GLIS3: variants seen among roughly 807,000 people sequenced by gnomAD.
The protein encoded by GLIS3 is zinc finger protein GLIS3.
Under a neutral mutation model 78.6 loss-of-function variants are expected in GLIS3, and 53 were observed. The observed-to-expected ratio is 0.67, with a 90% CI of 0.54 to 0.85. GLIS3 has a LOEUF of 0.85. Among genes scored for constraint, GLIS3 ranks in the 40% least tolerant of loss-of-function variants. The pLI is 0.00. For synonymous variants in GLIS3, 684 were observed against 509.9 expected, an observed-to-expected ratio of 1.34 and a Z score of -4.60; for missense variants, 1,703 against 1,231.1, an observed-to-expected ratio of 1.38 and a Z score of -5.74.
Position 3,898,686 on chromosome 9 carries a change from T to C in GLIS3, c.2128+5A>G, listed in dbSNP as rs759637587. 59 of 1,613,994 alleles carry C rather than the reference T, an allele frequency of 3.7e-5. No homozygotes were observed. Among genetic ancestry groups the C allele is most frequent in the Non-Finnish European group, 3.8e-5 (45 of 1,180,022 alleles). On this transcript the variant is annotated splice_donor_5th_base_variant and intron_variant, in intron 7 of 10. Coordinates refer to ENST00000381971, the MANE Select transcript of GLIS3 (RefSeq NM_001042413.2). ...TGTGGTTGGCTCTGCCTTTGCTGTC[T>C]TTACCTGAATAGAGGTCAGGCCCGG...
chr9:4,365,765 T>G, the GLIS3 span, among the ~76,000 whole-genome samples: 1 of 152,168 alleles, frequency 6.6e-6, no homozygotes, highest in Admixed American at 6.5e-5. Context: ...AAGTATTTCT[T>G]TTACATAATA....
At chr9:4,240,529 G>A (rs1421189882) in intron 2 of GLIS3, among the ~76,000 whole-genome samples, 1 of 152,090 alleles carries the variant, frequency 6.6e-6, no homozygotes, top group Non-Finnish European at 1.5e-5. Context: ...AAAAAAACTA[G>A]TAAAAATTAT....
At chr9:4,423,391 C>G in the GLIS3 span, among the ~76,000 whole-genome samples, 1 of 152,114 alleles carries the variant, frequency 6.6e-6, no homozygotes. Flanking sequence ...TTCTACTCAA[C>G]CCATCTTTTC....
At chr9:4,141,851 G>C (rs1267364895) in intron 2 of GLIS3, among the ~76,000 whole-genome samples, 1 of 152,166 alleles carries the variant, frequency 6.6e-6, no homozygotes, top group Admixed American at 6.5e-5. Context: ...CAGGCAATCT[G>C]GCTGAGGCCT....
intron 2 of GLIS3, among the ~76,000 whole-genome samples, chr9:4,227,050 G>A (rs12005621): frequency 6.7e-4 from 102 of 152,294 alleles, no homozygotes; most frequent in African/African-American, 2.4e-3. Context: ...GGGGAAGCCT[G>A]GTGCAGGGAG....
the GLIS3 span, among the ~76,000 whole-genome samples, chr9:4,392,556 C>G: frequency 1.3e-5 from 2 of 152,154 alleles, no homozygotes; most frequent in East Asian, 1.9e-4. Flanking sequence ...ACTATGGCCC[C>G]AAACCTTAGA....
At chr9:4,389,757 G>A in the GLIS3 span, among the ~76,000 whole-genome samples, 1 of 152,162 alleles carries the variant, frequency 6.6e-6, no homozygotes, top group Non-Finnish European at 1.5e-5. Context: ...GTGCCCAAGT[G>A]CAGTGAATAA....
At position 4,324,764 on chromosome 9, in the gene GLIS3, A is replaced by G. The variant is rs530416784; in HGVS notation, n.265-14236T>C. Among the ~76,000 whole-genome samples, 3 of 152,252 alleles carry G rather than the reference A, an allele frequency of 2.0e-5. No homozygotes were observed. The East Asian group carries it at 5.8e-4, about 29-fold the overall frequency. On this transcript the variant is annotated intron_variant and non_coding_transcript_variant, in intron 2 of 4. Transcript: ENST00000471664. ...TAAATCACTTGATTTGCTTTGTACCATTTTCTGTAAGTCATTTCATTTGTT... is the reference window on the plus strand; with the variant it reads ...TAAATCACTTGATTTGCTTTGTACCGTTTTCTGTAAGTCATTTCATTTGTT...
At chr9:4,197,884 C>T (rs1292162637) in intron 2 of GLIS3, among the ~76,000 whole-genome samples, 3 of 151,764 alleles carry the variant, frequency 2.0e-5, no homozygotes, top group African/African-American at 7.3e-5. Flanking sequence ...AAAGACCATA[C>T]CCAGCATTCT....
chr9:4,453,577 C>T, the GLIS3 span, among the ~76,000 whole-genome samples: 54 of 152,094 alleles, frequency 3.6e-4, 1 homozygote, highest in East Asian at 9.1e-3. Flanking sequence ...CATGAAAAAA[C>T]GCTCATCATT....
At chr9:4,374,708 T>C in the GLIS3 span, among the ~76,000 whole-genome samples, 1 of 152,220 alleles carries the variant, frequency 6.6e-6, no homozygotes, top group South Asian at 2.1e-4. Context: ...ATCTTCTAGA[T>C]GAATGATCAC....
intron 7 of GLIS3, among the ~76,000 whole-genome samples, chr9:3,896,749 G>GAGC (rs1822872975): frequency 6.8e-6 from 1 of 147,450 alleles, no homozygotes; most frequent in Non-Finnish European, 1.5e-5. Context: ...GAACAAAGTT[G>GAGC]AGCAACATGA....
At chr9:4,014,334 C>A (rs1822270573) in intron 4 of GLIS3, among the ~76,000 whole-genome samples, 1 of 152,130 alleles carries the variant, frequency 6.6e-6, no homozygotes, top group Admixed American at 6.5e-5. Context: ...CTACCACTGC[C>A]AAAGTTCATG....
intron 4 of GLIS3, chr9:4,071,599 A>G (rs576484510): frequency 8.8e-4 from 134 of 152,302 alleles, no homozygotes; most frequent in African/African-American, 2.4e-3. Flanking sequence ...GCTAAATGCT[A>G]AGGAAAAGAA....
chr9:4,320,481 TTCTC>T (rs373851826), intron 2 of GLIS3, among the ~76,000 whole-genome samples: 27 of 152,310 alleles, frequency 1.8e-4, no homozygotes, highest in African/African-American at 6.5e-4. Context: ...CTTCACACCT[TTCTC>T]TCTGTCAATA....
At chr9:4,238,345 G>A (rs910931155) in intron 2 of GLIS3, among the ~76,000 whole-genome samples, 4 of 152,178 alleles carry the variant, frequency 2.6e-5, no homozygotes, top group East Asian at 1.9e-4. Context: ...TGTTTTGGTG[G>A]AGAGGAAGAA....
At chr9:4,123,040 AAAGCT>A in intron 3 of GLIS3, among the ~76,000 whole-genome samples, 1 of 152,314 alleles carries the variant, frequency 6.6e-6, no homozygotes, top group East Asian at 1.9e-4. Flanking sequence ...AGAATCCAAC[AAAGCT>A]AAGGAAAAAG....
At chr9:4,373,764 T>A in the GLIS3 span, among the ~76,000 whole-genome samples, 2 of 150,620 alleles carry the variant, frequency 1.3e-5, no homozygotes, top group African/African-American at 4.9e-5. Context: ...ACCTCCTGGG[T>A]TCAAGCAATT....
chr9:4,400,422 G>A, the GLIS3 span, among the ~76,000 whole-genome samples: 1 of 152,130 alleles, frequency 6.6e-6, no homozygotes, highest in African/African-American at 2.4e-5. Flanking sequence ...AAATTATTTT[G>A]AGCCTTAAAA....
Sources: allele counts gnomAD v4.1 joint callset (sites outside exome capture counted in the v4.1 genomes callset), GRCh38; gene constraint gnomAD v4.1.1; transcripts MANE v1.5; gene names NCBI Gene and HGNC (gene_info 2026-07-23, HGNC 2026-07-21).